Variants in TTN observed in about 807,000 individuals in gnomAD.
TTN encodes the protein titin.
In TTN, 1,525 loss-of-function variants were observed where a neutral mutation model predicts 3,223.0. The ratio of observed to expected loss-of-function variants is 0.47; its 90% CI spans 0.45 to 0.49. TTN has a LOEUF of 0.49. Ranked by LOEUF, TTN falls within the 20% of genes least tolerant of loss-of-function variation. TTN has a pLI of 0.00. For missense variants in TTN, 40,786 were observed against 43,424.0 expected (o/e 0.94, Z 5.40); for synonymous variants, 14,094 against 15,161.0 (o/e 0.93, Z 5.17).
At chr2:178,645,821 A>G in intron 217 of TTN, 99 bp downstream of exon 217, 2 of 682,774 alleles carry the variant, frequency 2.9e-6, no homozygotes, top group South Asian at 4.7e-5. Context: ...CTGAAAGTAC[A>G]CACTTCTAAA....
chr2:178,746,148 T>C lies in TTN; in HGVS notation c.11312-4227A>G, dbSNP rs761320655. 1.5e-5 allele frequency: 25 copies of C among 1,613,344 alleles called. 1 individual carries two copies. In the Admixed American group the frequency reaches 2.8e-4, roughly 18 times the overall value. On this transcript the variant is annotated intron_variant, in intron 47 of 362. Transcript: ENST00000589042. The stretch of plus-strand genomic sequence containing the variant: ...TTAATATTATCTGGCTCAATACACA[T>C]ATATTCTTTATACCACTTAACTTCG...
chr2:178,527,563 T>C lies in TTN; in HGVS notation c.107563A>G (p.Ser35855Gly). 6.2e-7 allele frequency: 1 copy of C among 1,614,038 alleles called. No individual in the cohort carries two copies. The highest frequency in any genetic ancestry group is 8.5e-7 in the Non-Finnish European group (1 of 1,179,892). The change falls in exon 362 of 363, where the codon AGC becomes GGC. Residue 35855 changes from serine to glycine, a missense_variant. Transcript: ENST00000589042. ...AAGGACTCTTGCATGGAGGACATGC[T>C]TTGGGCAGACATGCTTGCAAATTTC... ...EMKFASMSAQ[S>G]MSSMQESFVE...
At position 178,604,146 on chromosome 2, in the gene TTN, C is replaced by T. The variant is rs761810379; in HGVS notation, c.54541G>A (p.Gly18181Arg). 1.2e-6 allele frequency: 2 copies of T among 1,612,246 alleles called. No individual in the cohort carries two copies. Among genetic ancestry groups the T allele is most frequent in the Middle Eastern group, 1.6e-4 (1 of 6,064 alleles). Residue 18181 changes from glycine to arginine, a missense_variant, in exon 282 of 363, where the codon GGA becomes AGA. Coordinates refer to ENST00000589042, the MANE Select transcript of TTN (RefSeq NM_001267550.2). Reference protein sequence around the residue: ...GKPKVLARTKGSMLVSWTPPL... With the variant: ...GKPKVLARTKRSMLVSWTPPL... ...GGAGTCCAGCTCACTAGCATTGATC[C>T]TTTGGTGCGTGCCAAAACTTTTGGT...
chr2:178,749,166 C>T, intron 47 of TTN: 1 of 1,611,920 alleles, frequency 6.2e-7, no homozygotes, highest in Non-Finnish European at 8.5e-7. Context: ...TGGGCACATT[C>T]TTGTACATTT....
chr2:178,668,186 T>C (rs1157175797), intron 159 of TTN, among the ~76,000 whole-genome samples: 6 of 152,078 alleles, frequency 3.9e-5, no homozygotes. Flanking sequence ...CAGTTTAATA[T>C]GAATGTAAAA....
At chr2:178,639,267 T>A (rs2060913903) in intron 223 of TTN, among the ~76,000 whole-genome samples, 1 of 152,028 alleles carries the variant, frequency 6.6e-6, no homozygotes, top group South Asian at 2.1e-4. Flanking sequence ...ATCAACACTA[T>A]CCATTTCCAG....
In TTN at chr2:178,602,396, CCACACA is replaced by C; in HGVS notation, c.55000_55005del (p.Cys18334_Val18335del). 6.2e-7 allele frequency: 1 copy of C among 1,612,736 alleles called. No homozygotes were observed. The highest frequency in any genetic ancestry group is 1.3e-5 in the African/African-American group (1 of 74,940). On this transcript the variant is annotated inframe_deletion, in exon 283 of 363. Coordinates refer to ENST00000589042, the MANE Select transcript of TTN (RefSeq NM_001267550.2). The stretch of plus-strand genomic sequence containing the variant: ...TTCCTGAGCTCTTTCAGATTAGGCA[CCACACA>C]TTCACAGGTAGTTATAAGTTTGTCT...
chr2:178,752,427 A>G (rs907788050), intron 47 of TTN, among the ~76,000 whole-genome samples: 2 of 152,200 alleles, frequency 1.3e-5, no homozygotes, highest in South Asian at 2.1e-4. Context: ...TTTTGATTGT[A>G]GATTAAATTA....
chr2:178,758,700 G>T, intron 44 of TTN: 1 of 449,756 alleles, frequency 2.2e-6, no homozygotes, highest in Non-Finnish European at 4.1e-6. Context: ...GCCCCCTTCT[G>T]ATTCATGCTG....
chr2:178,738,908 AAT>A (rs1434033488), intron 48 of TTN, among the ~76,000 whole-genome samples: 2 of 152,226 alleles, frequency 1.3e-5, no homozygotes, highest in East Asian at 1.9e-4. Flanking sequence ...AACATATGAA[AAT>A]ATGTTTTATT....
chr2:178,716,066 G>A (rs1033074000), intron 88 of TTN, among the ~76,000 whole-genome samples: 1 of 152,110 alleles, frequency 6.6e-6, no homozygotes, highest in African/African-American at 2.4e-5. Flanking sequence ...CTAGTGCCAA[G>A]ATCAGAGATA....
chr2:178,681,844 A>T, intron 135 of TTN, 106 bp from the exon 136 acceptor site: 1 of 950,564 alleles, frequency 1.1e-6, no homozygotes, highest in Non-Finnish European at 1.5e-6. Context: ...TCTACAGTAT[A>T]GCCATAGCCT....
intron 288 of TTN, 200 bp downstream of exon 288, chr2:178,600,654 G>A (rs1289967930): frequency 1.8e-5 from 12 of 650,982 alleles, no homozygotes; most frequent in Non-Finnish European, 3.2e-5. Context: ...CTTTGAACAG[G>A]GAAAAGGTAA....
rs1356126685 is a variant in TTN at position 178,534,782 on chromosome 2, T to C, written c.101833A>G (p.Ile33945Val). The change falls in exon 358 of 363, where the codon ATC becomes GTC. Residue 33945 changes from isoleucine to valine, a missense_variant. Coordinates refer to ENST00000589042, the MANE Select transcript of TTN (RefSeq NM_001267550.2). The stretch of plus-strand genomic sequence containing the variant: ...GAGCTTCTTCTGGTTTGGTAAATGA[T>C]ATTTTCTGGTCTAATGTCAAAGTGT... ...IGHFDIRPEN[I>V]IYQTRRSSTI... 4 of 1,613,052 alleles carry C rather than the reference T, an allele frequency of 2.5e-6. No individual in the cohort carries two copies. The highest frequency in any genetic ancestry group is 1.7e-5 in the Admixed American group (1 of 60,020).
chr2:178,777,122 G>A (rs144862079), intron 27 of TTN, 27 bp downstream of exon 27: 2 of 1,613,828 alleles, frequency 1.2e-6, no homozygotes, highest in African/African-American at 2.7e-5. Context: ...TGTATAATGA[G>A]CTTAGCTTTA....
intron 136 of TTN, 91 bp from the exon 137 acceptor site, chr2:178,681,541 A>G: frequency 5.5e-6 from 8 of 1,459,454 alleles, no homozygotes; most frequent in Non-Finnish European, 7.5e-6. Flanking sequence ...CAAATACAAC[A>G]TAATATTCCC....
At chr2:178,689,768 G>A (rs2071854346) in intron 122 of TTN, 45 bp downstream of exon 122, 1 of 1,541,936 alleles carries the variant, frequency 6.5e-7, no homozygotes, top group Non-Finnish European at 8.8e-7. Flanking sequence ...AACATATTTT[G>A]TATCAAAGAT....
intron 22 of TTN, chr2:178,779,732 A>G: frequency 1.9e-6 from 1 of 534,142 alleles, no homozygotes. Flanking sequence ...CTTGGCATGA[A>G]TGAACTCAGC....
At chr2:178,745,414 G>A in intron 47 of TTN, 2 of 1,441,228 alleles carry the variant, frequency 1.4e-6, no homozygotes, top group Non-Finnish European at 1.8e-6. Flanking sequence ...ATATTTACAT[G>A]TATTACAAAG....
Sources: gnomAD v4.1 joint callset for allele counts (sites outside exome capture counted in the v4.1 genomes callset) on GRCh38, gnomAD v4.1.1 for gene constraint, MANE v1.5 for transcripts, NCBI Gene and HGNC (gene_info 2026-07-23, HGNC 2026-07-21) for gene names.